Variants in PTPRO observed in about 807,000 individuals in gnomAD.
The protein encoded by PTPRO is protein tyrosine phosphatase receptor type O.
PTPRO carries 62 observed loss-of-function variants against 145.2 expected under a neutral mutation model. The ratio of observed to expected loss-of-function variants is 0.43; its 90% confidence interval spans 0.35 to 0.53. The LOEUF is 0.53. Ranked by LOEUF, PTPRO falls within the 20% of genes least tolerant of loss-of-function variation. The pLI is 0.01. For missense variants in PTPRO, 1,345 were observed against 1,482.7 expected, an observed-to-expected ratio of 0.91 and a Z score of 1.53; for synonymous variants, 565 against 514.7, an observed-to-expected ratio of 1.10 and a Z score of -1.32.
At chr12:15,537,587 G>T (rs1405935931) in intron 12 of PTPRO, among the ~76,000 whole-genome samples, 1 of 152,140 alleles carries the variant, frequency 6.6e-6, no homozygotes, top group Non-Finnish European at 1.5e-5. Flanking sequence ...AGAGGCATTT[G>T]GGTGCCATGG....
chr12:15,483,932 G>A, intron 1 of PTPRO, 42 bp from the exon 2 acceptor site: 7 of 1,593,590 alleles, frequency 4.4e-6, no homozygotes, highest in Non-Finnish European at 6.0e-6. Flanking sequence ...CCAATTATCT[G>A]AATATAACCT....
At chr12:15,483,322 C>A (rs1271561346) in intron 1 of PTPRO, among the ~76,000 whole-genome samples, 1 of 152,080 alleles carries the variant, frequency 6.6e-6, no homozygotes, top group African/African-American at 2.4e-5. Context: ...AGACTTGGAG[C>A]AAAGTTTTTA....
At chr12:15,420,023 C>G (rs1940093767) in intron 1 of PTPRO, among the ~76,000 whole-genome samples, 2 of 151,168 alleles carry the variant, frequency 1.3e-5, no homozygotes, top group South Asian at 2.1e-4. Context: ...GGCGGGCGCC[C>G]ATAGTCCCAG....
intron 1 of PTPRO, among the ~76,000 whole-genome samples, chr12:15,479,237 G>A (rs1396338185): frequency 6.6e-6 from 1 of 152,126 alleles, no homozygotes; most frequent in Non-Finnish European, 1.5e-5. Context: ...GAGCCCCTGG[G>A]AATCAATTTG....
chr12:15,360,285 A>T (rs1433637289), intron 1 of PTPRO, among the ~76,000 whole-genome samples: 1 of 152,206 alleles, frequency 6.6e-6, no homozygotes, highest in Non-Finnish European at 1.5e-5. Flanking sequence ...GACAAATTGT[A>T]GGTGTTCAGA....
chr12:15,537,933 C>T (rs1057314283), intron 12 of PTPRO, among the ~76,000 whole-genome samples: 1 of 152,100 alleles, frequency 6.6e-6, no homozygotes, highest in Non-Finnish European at 1.5e-5. Flanking sequence ...TCATGATAGC[C>T]GCTTGTGGAT....
chr12:15,512,989 A>T (rs931430960), intron 7 of PTPRO, among the ~76,000 whole-genome samples: 5 of 151,520 alleles, frequency 3.3e-5, no homozygotes, highest in South Asian at 2.1e-4. Context: ...GTGACAGAGC[A>T]AGACTATGTC....
chr12:15,455,552 A>C (rs1041369997), intron 1 of PTPRO, among the ~76,000 whole-genome samples: 2 of 152,126 alleles, frequency 1.3e-5, no homozygotes, highest in Admixed American at 1.3e-4. Flanking sequence ...TTTTTAGTAC[A>C]AGTCATTTAC....
At chr12:15,595,400 C>G (rs1431007927) in intron 26 of PTPRO, 4 of 298,540 alleles carry the variant, frequency 1.3e-5, no homozygotes, top group Non-Finnish European at 2.6e-5. Context: ...ATCTAGATAT[C>G]TTGTGCAAAT....
intron 1 of PTPRO, among the ~76,000 whole-genome samples, chr12:15,474,561 G>A (rs909224820): frequency 6.6e-6 from 1 of 152,200 alleles, no homozygotes; most frequent in Non-Finnish European, 1.5e-5. Flanking sequence ...AGCGTAAAAT[G>A]AGAATGCTGG....
At chr12:15,580,177 C>T (rs1394264658) in intron 21 of PTPRO, 62 bp downstream of exon 21, 1 of 1,296,902 alleles carries the variant, frequency 7.7e-7, no homozygotes, top group African/African-American at 1.5e-5. Context: ...ACTAGCAGGG[C>T]TATATGGATG....
At chr12:15,440,785 G>A (rs1285931477) in intron 1 of PTPRO, among the ~76,000 whole-genome samples, 3 of 152,030 alleles carry the variant, frequency 2.0e-5, no homozygotes, top group Non-Finnish European at 4.4e-5. Context: ...GACAAAGAAG[G>A]CCATTACGTA....
At chr12:15,416,420 C>A (rs1939976277) in intron 1 of PTPRO, among the ~76,000 whole-genome samples, 1 of 150,946 alleles carries the variant, frequency 6.6e-6, no homozygotes, top group Non-Finnish European at 1.5e-5. Flanking sequence ...CCTGGGTTCA[C>A]ACCATTCTCC....
intron 1 of PTPRO, among the ~76,000 whole-genome samples, chr12:15,381,011 A>G (rs1436237477): frequency 6.6e-6 from 1 of 152,184 alleles, no homozygotes; most frequent in African/African-American, 2.4e-5. Flanking sequence ...AGCATAATAA[A>G]GTTCTTACAA....
At chr12:15,413,241 C>T (rs1004474825) in intron 1 of PTPRO, among the ~76,000 whole-genome samples, 1 of 151,814 alleles carries the variant, frequency 6.6e-6, no homozygotes, top group Non-Finnish European at 1.5e-5. Context: ...CAGGCGCCTG[C>T]CACCACGCCC....
rs2136506207 is a variant in PTPRO at position 15,516,779 on chromosome 12, G to T, written c.1602G>T (p.Lys534Asn). The T allele has an allele frequency of 6.2e-7, 1 of 1,609,062 alleles. No individual in the cohort carries two copies. The highest frequency in any genetic ancestry group is 8.5e-7 in the Non-Finnish European group (1 of 1,175,374). ...VTFAIVPTGI[K>N]DLMLYPLGPT... Reference sequence around the variant, plus strand: ...TCTTTCTAGTTCCCACAGGAATAAAGGATTTAATGCTCTATCCTTTGGGTC... The same window carrying T: ...TCTTTCTAGTTCCCACAGGAATAAATGATTTAATGCTCTATCCTTTGGGTC... Residue 534 changes from lysine (K) to asparagine (N), a missense_variant, in exon 9 of 27, where the codon AAG (lysine) becomes AAT (asparagine). Physicochemically the swap from Lys to Asn is moderately conservative, Grantham distance 94. This residue lies in a region of PTPRO where 1,130 missense variants were observed against 1,214.7 expected (regional missense o/e 0.93). Transcript: ENST00000281171.
chr12:15,554,972 T>G (rs892921995), intron 15 of PTPRO, among the ~76,000 whole-genome samples: 1 of 152,200 alleles, frequency 6.6e-6, no homozygotes, highest in Non-Finnish European at 1.5e-5. Flanking sequence ...TTCTGCACAG[T>G]GGCTCATGCT....
intron 1 of PTPRO, among the ~76,000 whole-genome samples, chr12:15,421,930 T>C (rs1056669570): frequency 3.3e-5 from 5 of 152,154 alleles, no homozygotes; most frequent in African/African-American, 1.2e-4. Context: ...CATGACATGC[T>C]TAGAACAATA....
chr12:15,431,146 A>G (rs767751674), intron 1 of PTPRO, among the ~76,000 whole-genome samples: 4 of 152,216 alleles, frequency 2.6e-5, no homozygotes, highest in Non-Finnish European at 4.4e-5. Context: ...TTGGTCTTCA[A>G]CCAAAAAAGT....
Sources: gnomAD v4.1 joint callset for allele counts (sites outside exome capture counted in the v4.1 genomes callset) on GRCh38, gnomAD v4.1.1 for gene constraint, gnomAD v4.1.1 regional missense constraint, MANE v1.5 for transcripts, NCBI Gene and HGNC (gene_info 2026-07-23, HGNC 2026-07-21) for gene names.